The following SPMIP11 variants were observed in gnomAD, a reference collection of about 807,000 sequenced individuals.
The protein encoded by SPMIP11 is long intergenic non-protein coding RNA 935.
chr12:48,755,879 T>C, the SPMIP11 span, among the ~76,000 whole-genome samples: 25 of 145,698 alleles, frequency 1.7e-4, no homozygotes, highest in Admixed American at 2.7e-4. Flanking sequence ...TTCTTTCTTT[T>C]TTTTTTTTTT....
chr12:48,745,036 C>T, the SPMIP11 span, among the ~76,000 whole-genome samples: 126 of 151,964 alleles, frequency 8.3e-4, no homozygotes, highest in African/African-American at 1.7e-3. Context: ...TTTGGGAAGC[C>T]GAGGCGGGTG....
chr12:48,735,391 T>C, the SPMIP11 span, among the ~76,000 whole-genome samples: 1 of 152,158 alleles, frequency 6.6e-6, no homozygotes, highest in Non-Finnish European at 1.5e-5. Context: ...GCAGATCACC[T>C]GAGGTCAAGA....
chr12:48,751,338 G>C, the SPMIP11 span, among the ~76,000 whole-genome samples: 6 of 152,210 alleles, frequency 3.9e-5, no homozygotes, highest in Admixed American at 3.3e-4. Flanking sequence ...TTTAAGCCAG[G>C]TGCAGTGGCT....
chr12:48,765,951 T>A, the SPMIP11 span, among the ~76,000 whole-genome samples: 20 of 152,276 alleles, frequency 1.3e-4, no homozygotes, highest in African/African-American at 4.8e-4. Flanking sequence ...GCCGGCTTCA[T>A]GCATGGCAGG....
chr12:48,765,386 G>A, the SPMIP11 span, among the ~76,000 whole-genome samples: 10 of 152,122 alleles, frequency 6.6e-5, no homozygotes, highest in South Asian at 2.1e-4. Context: ...ACCCGCCACC[G>A]TGACCGGCTA....
chr12:48,731,596 T>C, the SPMIP11 span, among the ~76,000 whole-genome samples: 1 of 152,190 alleles, frequency 6.6e-6, no homozygotes, highest in Admixed American at 6.6e-5. Context: ...AATTGTTGAC[T>C]TAACTACTGT....
the SPMIP11 span, among the ~76,000 whole-genome samples, chr12:48,736,591 C>G: frequency 6.6e-6 from 1 of 152,102 alleles, no homozygotes; most frequent in Non-Finnish European, 1.5e-5. Flanking sequence ...AACTGCCTAT[C>G]CTACTGTAGT....
chr12:48,754,811 A>G, the SPMIP11 span, among the ~76,000 whole-genome samples: 41 of 148,988 alleles, frequency 2.8e-4, no homozygotes, highest in African/African-American at 2.6e-5. Context: ...CAGTGGCACA[A>G]TCACAGCCCA....
chr12:48,762,694 T>C, the SPMIP11 span, among the ~76,000 whole-genome samples: 7 of 152,054 alleles, frequency 4.6e-5, no homozygotes, highest in Non-Finnish European at 7.4e-5. Flanking sequence ...AATGACAAGA[T>C]TACAGAAATG....
the SPMIP11 span, among the ~76,000 whole-genome samples, chr12:48,759,934 G>A: frequency 6.6e-6 from 1 of 152,214 alleles, no homozygotes; most frequent in South Asian, 2.1e-4. Flanking sequence ...AGCCTCCTGA[G>A]TAGCTGAGAT....
At chr12:48,768,728 G>T in the SPMIP11 span, 1 of 1,613,212 alleles carries the variant, frequency 6.2e-7, no homozygotes, top group Non-Finnish European at 8.5e-7. Context: ...TGGGGGAGTG[G>T]GAGGGGAGCC....
At chr12:48,756,779 C>CTTTTTT in the SPMIP11 span, among the ~76,000 whole-genome samples, 2 of 141,042 alleles carry the variant, frequency 1.4e-5, no homozygotes, top group Non-Finnish European at 3.0e-5. Flanking sequence ...TTCTTTTTTT[C>CTTTTTT]TTTTTTTTTT....
chr12:48,756,307 A>C, the SPMIP11 span, among the ~76,000 whole-genome samples: 1 of 152,158 alleles, frequency 6.6e-6, no homozygotes, highest in African/African-American at 2.4e-5. Context: ...GATGAAGTAC[A>C]AATCAGCCCC....
chr12:48,759,793 G>A, the SPMIP11 span, among the ~76,000 whole-genome samples: 365 of 151,896 alleles, frequency 2.4e-3, 2 homozygotes, highest in African/African-American at 8.0e-3. Flanking sequence ...GGGTAAGCAC[G>A]ATATGATAAA....
the SPMIP11 span, among the ~76,000 whole-genome samples, chr12:48,762,248 CAG>C: frequency 2.0e-5 from 3 of 147,726 alleles, no homozygotes; most frequent in African/African-American, 7.5e-5. Flanking sequence ...TTAGTAGAGA[CAG>C]GGTTTCACCG....
At chr12:48,750,078 G>C in the SPMIP11 span, among the ~76,000 whole-genome samples, 2 of 151,824 alleles carry the variant, frequency 1.3e-5, no homozygotes, top group Non-Finnish European at 1.5e-5. Flanking sequence ...CAGGCTGGGT[G>C]CAGTGGCCCA....
the SPMIP11 span, among the ~76,000 whole-genome samples, chr12:48,753,215 C>T: frequency 6.6e-6 from 1 of 152,070 alleles, no homozygotes; most frequent in African/African-American, 2.4e-5. Flanking sequence ...AAAGATTATG[C>T]CTGTTCTTGT....
chr12:48,727,974 C>A, the SPMIP11 span, among the ~76,000 whole-genome samples: 10 of 151,684 alleles, frequency 6.6e-5, no homozygotes, highest in Admixed American at 2.0e-4. Context: ...TCACTTGAGC[C>A]CAGGAGGTCA....
chr12:48,739,290 T>C, the SPMIP11 span, among the ~76,000 whole-genome samples: 1 of 152,218 alleles, frequency 6.6e-6, no homozygotes, highest in Non-Finnish European at 1.5e-5. Context: ...AGCTTTCCTC[T>C]GGCTCTCTAT....
Sources: allele counts gnomAD v4.1 joint callset (sites outside exome capture counted in the v4.1 genomes callset), GRCh38; gene constraint gnomAD v4.1.1; transcripts MANE v1.5; gene names NCBI Gene and HGNC (gene_info 2026-07-23, HGNC 2026-07-21).